The following RORA variants were observed in gnomAD, a reference collection of about 807,000 sequenced individuals.
RORA encodes the protein nuclear receptor ROR-alpha.
Under a neutral mutation model 69.5 loss-of-function variants are expected in RORA, and 7 were observed. The observed-to-expected ratio is 0.10, with a 90% CI of 0.06 to 0.19. The LOEUF (loss-of-function observed/expected upper bound fraction) is 0.19, where lower values mean the gene tolerates loss of function less well. RORA is among the 10% of genes least tolerant of loss of function. The probability of loss-of-function intolerance (pLI) is 1.00; values close to 1 mark genes in which losing one functional copy is unlikely to be tolerated. For synonymous variants in RORA, 261 were observed against 240.8 expected, an observed-to-expected ratio of 1.08 and a Z score of -0.78; for missense variants, 457 against 663.0, an observed-to-expected ratio of 0.69 and a Z score of 3.41.
intron 2 of RORA, among the ~76,000 whole-genome samples, chr15:60,669,692 C>G (rs1019457121): frequency 1.7e-4 from 26 of 152,188 alleles, no homozygotes; most frequent in Non-Finnish European, 3.1e-4. Context: ...TGCTACCCTT[C>G]CAGAGCAAGC....
chr15:60,820,658 G>C lies in RORA; in HGVS notation c.167-141972C>G, dbSNP rs551029090. 5.9e-5 allele frequency among the ~76,000 whole-genome samples: 9 copies of C among 152,262 alleles called. No homozygotes were observed. The East Asian group carries it at 1.2e-3, about 20-fold the overall frequency. On this transcript the variant is annotated intron_variant, in intron 1 of 10. Transcript: ENST00000335670. Reference sequence around the variant, plus strand: ...CAGAGGGGTGGGGGTGGAGGTGGCAGGTGAATGGGTCCTTCAGGAAACTTT... The same window carrying C: ...CAGAGGGGTGGGGGTGGAGGTGGCACGTGAATGGGTCCTTCAGGAAACTTT...
chr15:61,146,634 TCAGA>T (rs757777471), intron 1 of RORA, among the ~76,000 whole-genome samples: 35 of 152,310 alleles, frequency 2.3e-4, no homozygotes, highest in Admixed American at 3.9e-4. Context: ...GTTAATGATT[TCAGA>T]CAATTACTCA....
At chr15:61,218,098 C>T (rs1049900799) in intron 1 of RORA, among the ~76,000 whole-genome samples, 11 of 151,708 alleles carry the variant, frequency 7.3e-5, no homozygotes, top group African/African-American at 1.9e-4. Context: ...TGTGGTGGCT[C>T]GTAATCTGTA....
intron 1 of RORA, among the ~76,000 whole-genome samples, chr15:61,171,020 T>A (rs1003419409): frequency 1.3e-5 from 2 of 152,204 alleles, no homozygotes; most frequent in African/African-American, 4.8e-5. Flanking sequence ...CACAATTTGG[T>A]CAGATTGTTC....
chr15:60,607,850 G>GA (rs2068987802), intron 2 of RORA, among the ~76,000 whole-genome samples: 1 of 152,082 alleles, frequency 6.6e-6, no homozygotes, highest in Non-Finnish European at 1.5e-5. Flanking sequence ...AGTTCAATGG[G>GA]AAAAAAAGAA....
At chr15:60,627,325 A>T in intron 2 of RORA, 1 of 1,613,992 alleles carries the variant, frequency 6.2e-7, no homozygotes. Flanking sequence ...TGACCACGGC[A>T]CTCTTGCCTC....
chr15:60,711,537 A>T (rs1305721187), intron 1 of RORA, among the ~76,000 whole-genome samples: 1 of 152,100 alleles, frequency 6.6e-6, no homozygotes, highest in Non-Finnish European at 1.5e-5. Context: ...CCTTCCTCGC[A>T]CTCACACTGT....
At chr15:60,930,446 T>C (rs1291871807) in intron 1 of RORA, among the ~76,000 whole-genome samples, 4 of 152,100 alleles carry the variant, frequency 2.6e-5, no homozygotes, top group Admixed American at 1.3e-4. Flanking sequence ...TTACATATGG[T>C]CTCCCAATAC....
intron 1 of RORA, among the ~76,000 whole-genome samples, chr15:60,995,252 T>C (rs1894498357): frequency 6.6e-6 from 1 of 152,062 alleles, no homozygotes; most frequent in Non-Finnish European, 1.5e-5. Flanking sequence ...CTGACAAATG[T>C]GGAAAAATCA....
At chr15:60,515,929 A>ATATATATT (rs2065859219) in intron 3 of RORA, among the ~76,000 whole-genome samples, 1 of 44,274 alleles carries the variant, frequency 2.3e-5, no homozygotes, top group African/African-American at 1.3e-4. Context: ...ATATATATTT[A>ATATATATT]TATATATATT....
chr15:60,641,350 A>T (rs1304301351), intron 2 of RORA, among the ~76,000 whole-genome samples: 1 of 152,206 alleles, frequency 6.6e-6, no homozygotes, highest in Non-Finnish European at 1.5e-5. Context: ...ATAAATACGT[A>T]TAATGGGATA....
chr15:60,644,748 C>A (rs2070007497), intron 2 of RORA, among the ~76,000 whole-genome samples: 1 of 152,156 alleles, frequency 6.6e-6, no homozygotes, highest in Admixed American at 6.5e-5. Context: ...TGTGTGTCCT[C>A]CTTCCTGGAC....
intron 1 of RORA, among the ~76,000 whole-genome samples, chr15:60,715,160 G>A (rs1054855203): frequency 1.3e-5 from 2 of 152,172 alleles, no homozygotes; most frequent in Non-Finnish European, 2.9e-5. Context: ...TTCTCAAGCA[G>A]CCTGTGATGC....
chr15:60,516,199 A>ATATT (rs2065938259), intron 3 of RORA, among the ~76,000 whole-genome samples: 2 of 24,832 alleles, frequency 8.1e-5, no homozygotes, highest in Non-Finnish European at 1.2e-4. Flanking sequence ...ATATATATTT[A>ATATT]TATATATATT....
intron 1 of RORA, among the ~76,000 whole-genome samples, chr15:60,994,322 G>A (rs760401403): frequency 6.6e-5 from 10 of 152,276 alleles, no homozygotes; most frequent in African/African-American, 1.7e-4. Flanking sequence ...CTTCCAAGGC[G>A]AATCTCCTCA....
In RORA at chr15:60,782,557, G is replaced by A. The variant is rs558163081; in HGVS notation, c.167-103871C>T. On this transcript the variant is annotated intron_variant, in intron 1 of 10. Coordinates refer to ENST00000335670, the MANE Select transcript of RORA (RefSeq NM_134261.3). The stretch of plus-strand genomic sequence containing the variant: ...TTTTCATTTTTTTAACTGCAAAGGC[G>A]GTCATATGATATGAAGTCACTCCAT... Among the ~76,000 whole-genome samples, 7 of 152,198 alleles carry A rather than the reference G, an allele frequency of 4.6e-5. No individual in the cohort carries two copies. In the East Asian group the frequency reaches 5.8e-4, roughly 13 times the overall value.
At chr15:60,975,895 C>T (rs1046324490) in intron 1 of RORA, among the ~76,000 whole-genome samples, 5 of 152,234 alleles carry the variant, frequency 3.3e-5, no homozygotes, top group African/African-American at 1.2e-4. Flanking sequence ...TCAGTTCCAA[C>T]TCTCAGCTAA....
chr15:60,650,296 C>G (rs920054019), intron 2 of RORA, among the ~76,000 whole-genome samples: 2 of 152,004 alleles, frequency 1.3e-5, no homozygotes, highest in African/African-American at 4.8e-5. Flanking sequence ...AAGGCTTTCT[C>G]TATTGAAGTT....
intron 2 of RORA, among the ~76,000 whole-genome samples, chr15:60,540,738 T>C (rs1047441309): frequency 1.3e-5 from 2 of 152,224 alleles, no homozygotes; most frequent in Admixed American, 6.5e-5. Context: ...CTACTGCTCA[T>C]TGAATAGATG....
Sources: allele counts gnomAD v4.1 joint callset (sites outside exome capture counted in the v4.1 genomes callset), GRCh38; gene constraint gnomAD v4.1.1; transcripts MANE v1.5; gene names NCBI Gene and HGNC (gene_info 2026-07-23, HGNC 2026-07-21).